Variants in CNTNAP2 observed in about 807,000 individuals in gnomAD.
The protein encoded by CNTNAP2 is contactin-associated protein-like 2.
A neutral mutation model predicts 155.2 loss-of-function variants in CNTNAP2; 98 were observed. The observed-to-expected ratio is 0.63, with a 90% CI of 0.54 to 0.75. The LOEUF (loss-of-function observed/expected upper bound fraction) is 0.75, where lower values mean the gene tolerates loss of function less well. CNTNAP2 is among the 30% of genes least tolerant of loss of function. The pLI, the probability that CNTNAP2 is intolerant of heterozygous loss-of-function variation, is 0.00. For missense variants in CNTNAP2, 1,727 were observed against 1,688.1 expected (o/e 1.02, Z -0.40); for synonymous variants, 651 against 631.2 (o/e 1.03, Z -0.47).
intron 16 of CNTNAP2, among the ~76,000 whole-genome samples, chr7:148,123,631 AGCAGGAAGGAAGGAAG>A (rs1422147085): frequency 5.2e-5 from 5 of 95,366 alleles, no homozygotes; most frequent in African/African-American, 2.2e-4. Context: ...AGGAAGGGAG[AGCAGGAAGGAAGGAAG>A]GAAGGAAGGA....
intron 2 of CNTNAP2, among the ~76,000 whole-genome samples, chr7:146,837,644 A>G (rs1273857221): frequency 6.6e-6 from 1 of 152,034 alleles, no homozygotes; most frequent in Non-Finnish European, 1.5e-5. Context: ...GACATTATGG[A>G]TGCAATGTTG....
chr7:146,285,520 T>C (rs1395083477), intron 1 of CNTNAP2, among the ~76,000 whole-genome samples: 1 of 152,040 alleles, frequency 6.6e-6, no homozygotes, highest in Non-Finnish European at 1.5e-5. Flanking sequence ...AAGTGAACTA[T>C]TTTTAGGTAA....
chr7:146,628,989 A>T (rs1398206598), intron 1 of CNTNAP2, among the ~76,000 whole-genome samples: 2 of 152,178 alleles, frequency 1.3e-5, no homozygotes, highest in Non-Finnish European at 2.9e-5. Flanking sequence ...CGTACCTGTG[A>T]GATAGTGTTC....
intron 12 of CNTNAP2, among the ~76,000 whole-genome samples, chr7:147,591,409 C>T (rs1010622737): frequency 1.3e-5 from 2 of 152,114 alleles, no homozygotes; most frequent in Non-Finnish European, 2.9e-5. Context: ...GATGAAGGCT[C>T]ACCTTCCTGG....
At chr7:148,003,654 A>G (rs771332945) in intron 15 of CNTNAP2, among the ~76,000 whole-genome samples, 1 of 152,224 alleles carries the variant, frequency 6.6e-6, no homozygotes, top group Non-Finnish European at 1.5e-5. Flanking sequence ...TTAGATAAGC[A>G]TATGTAGAAA....
chr7:148,361,605 G>C (rs1798621313), intron 21 of CNTNAP2, among the ~76,000 whole-genome samples: 1 of 152,114 alleles, frequency 6.6e-6, no homozygotes, highest in Admixed American at 6.5e-5. Context: ...CTTTCTCCCT[G>C]TGTGTGTGTC....
chr7:147,592,450 C>T (rs1384953494), intron 12 of CNTNAP2, among the ~76,000 whole-genome samples: 2 of 145,858 alleles, frequency 1.4e-5, no homozygotes, highest in African/African-American at 5.0e-5. Context: ...AAAAATAATA[C>T]ACTAATAATT....
intron 8 of CNTNAP2, among the ~76,000 whole-genome samples, chr7:147,290,782 C>T (rs138307108): frequency 5.5e-4 from 82 of 149,774 alleles, no homozygotes; most frequent in African/African-American, 1.8e-3. Flanking sequence ...AGACCTTAAA[C>T]AAGAAGGCAA....
chr7:146,732,063 A>T (rs940429277), intron 1 of CNTNAP2, among the ~76,000 whole-genome samples: 3 of 152,140 alleles, frequency 2.0e-5, no homozygotes, highest in Non-Finnish European at 2.9e-5. Flanking sequence ...GTAGATTCAG[A>T]TACAGTACAG....
intron 9 of CNTNAP2, among the ~76,000 whole-genome samples, chr7:147,340,432 A>G (rs1795741621): frequency 6.6e-6 from 1 of 152,100 alleles, no homozygotes; most frequent in Non-Finnish European, 1.5e-5. Context: ...TTATTTTTAT[A>G]TTCTGTAGGA....
At chr7:147,334,065 T>C (rs1326788754) in intron 9 of CNTNAP2, among the ~76,000 whole-genome samples, 1 of 152,142 alleles carries the variant, frequency 6.6e-6, no homozygotes, top group Non-Finnish European at 1.5e-5. Context: ...CCTGCTAGAA[T>C]CTCTGCATTT....
intron 20 of CNTNAP2, among the ~76,000 whole-genome samples, chr7:148,244,294 T>C (rs542246745): frequency 6.6e-6 from 1 of 152,276 alleles, no homozygotes; most frequent in Admixed American, 6.5e-5. Context: ...ATGTATGTGA[T>C]TTTGTCTCAC....
chr7:148,307,662 A>G (rs1797512987), intron 21 of CNTNAP2, among the ~76,000 whole-genome samples: 2 of 152,196 alleles, frequency 1.3e-5, no homozygotes, highest in South Asian at 4.1e-4. Context: ...CTATTTTAGA[A>G]AAAATGTGAA....
chr7:147,998,922 G>A (rs1184796674), intron 15 of CNTNAP2, among the ~76,000 whole-genome samples: 1 of 152,132 alleles, frequency 6.6e-6, no homozygotes, highest in Non-Finnish European at 1.5e-5. Context: ...CTCTTCACTT[G>A]TGCTTAGTTG....
chr7:147,575,648 AT>A (rs1800385053), intron 12 of CNTNAP2, among the ~76,000 whole-genome samples: 1 of 151,730 alleles, frequency 6.6e-6, no homozygotes, highest in Non-Finnish European at 1.5e-5. Flanking sequence ...TTTATTTTTA[AT>A]TCTGTAATTT....
chr7:147,177,790 G>C (rs1301041552), intron 8 of CNTNAP2, among the ~76,000 whole-genome samples: 1 of 151,988 alleles, frequency 6.6e-6, no homozygotes, highest in Non-Finnish European at 1.5e-5. Flanking sequence ...TCAGCACATG[G>C]GTAGGCTAAT....
chr7:146,973,702 A>AT (rs550680162), intron 3 of CNTNAP2, among the ~76,000 whole-genome samples: 8 of 152,212 alleles, frequency 5.3e-5, no homozygotes, highest in Non-Finnish European at 8.8e-5. Flanking sequence ...CTTAATAAAA[A>AT]TTATAGTTAA....
At chr7:147,070,622 T>C (rs1337773495) in intron 4 of CNTNAP2, among the ~76,000 whole-genome samples, 1 of 152,178 alleles carries the variant, frequency 6.6e-6, no homozygotes, top group Non-Finnish European at 1.5e-5. Flanking sequence ...CCAGGGAATT[T>C]GAAGAGCTTT....
intron 8 of CNTNAP2, among the ~76,000 whole-genome samples, chr7:147,197,148 T>C (rs529539488): frequency 6.6e-6 from 1 of 151,642 alleles, no homozygotes; most frequent in South Asian, 2.1e-4. Context: ...TGCATAGGAG[T>C]ATAACTTTGT....
Sources: allele counts gnomAD v4.1 joint callset (sites outside exome capture counted in the v4.1 genomes callset), GRCh38; gene constraint gnomAD v4.1.1; transcripts MANE v1.5; gene names NCBI Gene and HGNC (gene_info 2026-07-23, HGNC 2026-07-21).